Variants in GLRA2 observed in about 807,000 individuals in gnomAD.
GLRA2 encodes glycine receptor alpha 2, also known as glycine receptor subunit alpha-2.
Under a neutral mutation model 31.6 loss-of-function variants are expected in GLRA2, and 11 were observed. The ratio of observed to expected loss-of-function variants is 0.35; its 90% CI spans 0.22 to 0.58. GLRA2 has a LOEUF of 0.58. Ranked by LOEUF, GLRA2 falls within the 20% of genes least tolerant of loss-of-function variation. GLRA2 has a pLI of 0.84. For synonymous variants in GLRA2, 132 were observed against 134.0 expected, an observed-to-expected ratio of 0.99 and a Z score of 0.10; for missense variants, 212 against 351.8, an observed-to-expected ratio of 0.60 and a Z score of 3.18.
intron 7 of GLRA2, among the ~76,000 whole-genome samples, chrX:14,658,762 C>G (rs2090964046): frequency 8.9e-6 from 1 of 111,880 alleles, no homozygotes; most frequent in African/African-American, 3.3e-5. Context: ...GCAGCCCTAG[C>G]AACAAAGGAA....
chrX:14,679,558 C>T (rs2091178521), intron 7 of GLRA2, among the ~76,000 whole-genome samples: 1 of 111,251 alleles, frequency 9.0e-6, no homozygotes, highest in African/African-American at 3.3e-5. Flanking sequence ...CTTTTGCCAG[C>T]CCAGCCTAAC....
chrX:14,488,980 T>C, the GLRA2 span, among the ~76,000 whole-genome samples: 4 of 111,907 alleles, frequency 3.6e-5, no homozygotes, highest in South Asian at 7.4e-4. Context: ...CTGTGTATTG[T>C]GGACACTTAG....
chrX:14,453,501 A>T, the GLRA2 span, among the ~76,000 whole-genome samples: 20 of 111,998 alleles, frequency 1.8e-4, no homozygotes, highest in Non-Finnish European at 3.6e-4. Context: ...CTATTATAAT[A>T]GATGGGCTAG....
chrX:14,652,207 T>C (rs2090896592), intron 7 of GLRA2, among the ~76,000 whole-genome samples: 1 of 111,854 alleles, frequency 8.9e-6, no homozygotes, highest in African/African-American at 3.3e-5. Context: ...ACTTAGAACA[T>C]ATTCAACTAA....
chrX:14,594,940 GAAAAAAAA>G, intron 4 of GLRA2, among the ~76,000 whole-genome samples: 1 of 77,467 alleles, frequency 1.3e-5, no homozygotes, highest in East Asian at 6.4e-4. Flanking sequence ...AGGTCAACAG[GAAAAAAAA>G]AAAAAAAAAA....
At chrX:14,613,667 C>G (rs1382574879) in intron 7 of GLRA2, among the ~76,000 whole-genome samples, 1 of 111,126 alleles carries the variant, frequency 9.0e-6, no homozygotes, top group Non-Finnish European at 1.9e-5. Flanking sequence ...TTGCAAAGAT[C>G]CTGGAACCAA....
intron 8 of GLRA2, among the ~76,000 whole-genome samples, chrX:14,705,936 A>G (rs762881346): frequency 1.2e-4 from 13 of 112,079 alleles, no homozygotes; most frequent in Admixed American, 6.6e-4. Flanking sequence ...TTCAAGAGCA[A>G]CAGAAGTCAT....
At chrX:14,687,169 A>G (rs947966043) in intron 7 of GLRA2, among the ~76,000 whole-genome samples, 1 of 111,994 alleles carries the variant, frequency 8.9e-6, no homozygotes, top group Admixed American at 9.5e-5. Context: ...CTGCCAAGAG[A>G]TCTGCTGTTA....
chrX:14,465,989 G>C, the GLRA2 span, among the ~76,000 whole-genome samples: 2 of 111,961 alleles, frequency 1.8e-5, no homozygotes, highest in African/African-American at 6.5e-5. Flanking sequence ...ATGGGCTTAC[G>C]TACTTGTTCT....
intron 4 of GLRA2, among the ~76,000 whole-genome samples, chrX:14,601,009 T>G (rs5901533): frequency 0.034 from 3,641 of 108,448 alleles, 139 homozygotes; most frequent in African/African-American, 0.11. Context: ...TTGTTTTTTT[T>G]TTTGTTTGTT....
chrX:14,457,442 A>G, the GLRA2 span, among the ~76,000 whole-genome samples: 3 of 109,570 alleles, frequency 2.7e-5, no homozygotes, highest in Admixed American at 9.8e-5. Context: ...GAGTGAGAAC[A>G]TGCAGTGTTT....
chrX:14,470,428 A>G, the GLRA2 span, among the ~76,000 whole-genome samples: 1 of 111,800 alleles, frequency 8.9e-6, no homozygotes, highest in Non-Finnish European at 1.9e-5. Context: ...TATGATGATT[A>G]TATATCTTTA....
intron 8 of GLRA2, among the ~76,000 whole-genome samples, chrX:14,709,190 C>T (rs138069946): frequency 5.1e-4 from 57 of 110,964 alleles, no homozygotes; most frequent in African/African-American, 1.1e-3. Flanking sequence ...GCTATGATCA[C>T]GGCACTGCAC....
At chrX:14,617,073 A>G (rs1277742476) in intron 7 of GLRA2, among the ~76,000 whole-genome samples, 4 of 111,994 alleles carry the variant, frequency 3.6e-5, no homozygotes, top group Admixed American at 1.9e-4. Flanking sequence ...CAGCCTTTGC[A>G]GGGAAGCTGA....
intron 2 of GLRA2, among the ~76,000 whole-genome samples, chrX:14,572,958 G>A (rs2089902783): frequency 8.9e-6 from 1 of 111,768 alleles, no homozygotes; most frequent in African/African-American, 3.3e-5. Flanking sequence ...GAACACACTT[G>A]TACTTTCATT....
Position 14,730,325 on chromosome X carries a change from C to T in GLRA2, c.1199C>T (p.Pro400Leu), listed in dbSNP as rs370575329. Residue 400 changes from proline (P) to leucine (L), a missense_variant, in exon 9 of 9, where the codon CCG becomes CTG. Pro to Leu is a moderately conservative substitution (Grantham distance 98). Coordinates refer to ENST00000218075, the MANE Select transcript of GLRA2 (RefSeq NM_002063.4). ...ACACCTGCCAACCCACTCCCACAAC[C>T]GCCAAAAGATGGAGATGCTATCAAG... The part of the protein sequence containing the change: ...KATPANPLPQ[P>L]PKDGDAIKKK... 2.5e-6 allele frequency: 3 copies of T among 1,208,562 alleles called. No homozygotes were observed. Among genetic ancestry groups the T allele is most frequent in the African/African-American group, 3.5e-5 (2 of 56,826 alleles).
chrX:14,459,233 A>T, the GLRA2 span, among the ~76,000 whole-genome samples: 3 of 110,484 alleles, frequency 2.7e-5, no homozygotes, highest in African/African-American at 6.6e-5. Context: ...TTGGTCTATA[A>T]CTCTGTTTTG....
intron 2 of GLRA2, among the ~76,000 whole-genome samples, chrX:14,554,405 A>G (rs1460027596): frequency 1.8e-5 from 2 of 111,518 alleles, no homozygotes; most frequent in African/African-American, 6.5e-5. Context: ...AGAGGAGGGA[A>G]ATGAGAGCTT....
chrX:14,546,145 G>A (rs768465744), intron 2 of GLRA2, among the ~76,000 whole-genome samples: 8 of 111,052 alleles, frequency 7.2e-5, no homozygotes, highest in East Asian at 2.8e-4. Flanking sequence ...CCTAGAATCC[G>A]TGCCCACTCT....
Sources: allele counts gnomAD v4.1 joint callset (sites outside exome capture counted in the v4.1 genomes callset), GRCh38; gene constraint gnomAD v4.1.1; transcripts MANE v1.5; gene names NCBI Gene and HGNC (gene_info 2026-07-23, HGNC 2026-07-21).